Variants in SAMD12 observed in about 807,000 individuals in gnomAD.
The protein encoded by SAMD12 is sterile alpha motif domain-containing protein 12.
Under a neutral mutation model 15.0 loss-of-function variants are expected in SAMD12, and 9 were observed. That is an observed-to-expected ratio of 0.60 (90% CI 0.36 to 1.05). The LOEUF (loss-of-function observed/expected upper bound fraction) is 1.05. Ranked by LOEUF, SAMD12 falls within the 50% of genes least tolerant of loss-of-function variation. The pLI is 0.01. For synonymous variants in SAMD12, 86 were observed against 90.1 expected (o/e 0.96, Z 0.25); for missense variants, 230 against 234.2 (o/e 0.98, Z 0.12).
intron 3 of SAMD12, among the ~76,000 whole-genome samples, chr8:118,428,028 A>T (rs543587810): frequency 6.6e-6 from 1 of 152,180 alleles, no homozygotes; most frequent in East Asian, 1.9e-4. Context: ...TGATGACTTA[A>T]TATTTCTGAG....
intron 4 of SAMD12, among the ~76,000 whole-genome samples, chr8:118,321,643 C>T (rs972069296): frequency 2.0e-5 from 3 of 146,694 alleles, no homozygotes; most frequent in African/African-American, 7.8e-5. Flanking sequence ...AAAAGTTGTT[C>T]GTAGATAGTG....
intron 4 of SAMD12, among the ~76,000 whole-genome samples, chr8:118,305,969 C>T (rs74747970): frequency 0.06 from 9,057 of 152,176 alleles, 808 homozygotes; most frequent in African/African-American, 0.19. Flanking sequence ...CTCCTGGTTC[C>T]AGCTCCTACT....
intron 2 of SAMD12, 31 bp downstream of exon 2, chr8:118,580,684 A>C (rs747609462): frequency 6.4e-7 from 1 of 1,563,466 alleles, no homozygotes; most frequent in South Asian, 1.1e-5. Flanking sequence ...GCAGCTTTCA[A>C]ATCTCCGTAA....
rs1038976495 is a variant in SAMD12, at chr8:118,531,737, T to C, written c.192+48978A>G. Among the ~76,000 whole-genome samples the C allele has an allele frequency of 3.3e-5, 5 of 152,226 alleles. No individual in the cohort carries two copies. The South Asian group carries it at 6.2e-4, about 19-fold the overall frequency. ...GATTTGGCTCTCTGTTTGTCTGTTA[T>C]TGGTGTATAAGAATGCTTGTGATTT... On this transcript the variant is annotated intron_variant, in intron 2 of 3. Coordinates refer to ENST00000314727, the MANE Select transcript of SAMD12 (RefSeq NM_207506.3).
chr8:118,152,252 C>T, the SAMD12 span, among the ~76,000 whole-genome samples: 23 of 152,192 alleles, frequency 1.5e-4, no homozygotes, highest in Non-Finnish European at 2.8e-4. Context: ...TGGGATCTGA[C>T]TAGATTCTAC....
the SAMD12 span, among the ~76,000 whole-genome samples, chr8:118,154,843 T>C: frequency 6.6e-6 from 1 of 152,114 alleles, no homozygotes; most frequent in African/African-American, 2.4e-5. Context: ...AAAAAGAAAA[T>C]GACAATCCTT....
intron 4 of SAMD12, among the ~76,000 whole-genome samples, chr8:118,364,440 G>A (rs1818663635): frequency 6.6e-6 from 1 of 152,108 alleles, no homozygotes; most frequent in Non-Finnish European, 1.5e-5. Context: ...GGAACCCTAA[G>A]AGCTGAAAAC....
chr8:118,469,067 A>C (rs1386390611), intron 2 of SAMD12, among the ~76,000 whole-genome samples: 1 of 152,072 alleles, frequency 6.6e-6, no homozygotes, highest in Non-Finnish European at 1.5e-5. Flanking sequence ...CTGCCTGTCC[A>C]CTAGCAGGTC....
chr8:118,472,016 G>A (rs12546590), intron 2 of SAMD12, among the ~76,000 whole-genome samples: 24,104 of 151,920 alleles, frequency 0.16, 2,493 homozygotes, highest in Admixed American at 0.28. Context: ...GGCCGGGCGC[G>A]GTGGCTCACG....
intron 2 of SAMD12, among the ~76,000 whole-genome samples, chr8:118,515,167 C>T (rs1371326659): frequency 6.6e-6 from 1 of 150,560 alleles, no homozygotes; most frequent in Non-Finnish European, 1.5e-5. Flanking sequence ...TATAGGCGCC[C>T]GCCACCACGC....
intron 4 of SAMD12, among the ~76,000 whole-genome samples, chr8:118,253,061 T>TA (rs1480316290): frequency 6.6e-6 from 1 of 152,152 alleles, no homozygotes; most frequent in Non-Finnish European, 1.5e-5. Context: ...TGAAGCCCCT[T>TA]AAAGAGGTAG....
chr8:118,500,532 G>A (rs114442120), intron 2 of SAMD12, among the ~76,000 whole-genome samples: 1,610 of 151,228 alleles, frequency 0.011, 29 homozygotes, highest in African/African-American at 0.035. Flanking sequence ...CCTGCCAGGC[G>A]CAGTGGCTCA....
intron 2 of SAMD12, among the ~76,000 whole-genome samples, chr8:118,510,488 G>A (rs575874498): frequency 6.6e-6 from 1 of 152,294 alleles, no homozygotes; most frequent in South Asian, 2.1e-4. Flanking sequence ...CATGAAGTAG[G>A]TTTATAATTT....
At chr8:118,411,341 G>C (rs7822426) in intron 3 of SAMD12, among the ~76,000 whole-genome samples, 21,720 of 152,150 alleles carry the variant, frequency 0.14, 1,772 homozygotes, top group Middle Eastern at 0.18. Context: ...AAGTAACAAA[G>C]GTTTTAATTA....
intron 2 of SAMD12, among the ~76,000 whole-genome samples, chr8:118,580,123 A>G (rs548210925): frequency 6.6e-6 from 1 of 152,258 alleles, no homozygotes; most frequent in South Asian, 2.1e-4. Context: ...TCTATTTACT[A>G]TTGTCTACCT....
chr8:118,208,307 C>T (rs912599113), intron 4 of SAMD12, among the ~76,000 whole-genome samples: 3 of 152,092 alleles, frequency 2.0e-5, no homozygotes, highest in Admixed American at 1.3e-4. Flanking sequence ...ATGAATAATC[C>T]TTACAACAGT....
At chr8:118,212,382 C>A (rs1262656360) in intron 4 of SAMD12, among the ~76,000 whole-genome samples, 3 of 151,950 alleles carry the variant, frequency 2.0e-5, no homozygotes, top group African/African-American at 7.3e-5. Flanking sequence ...TTTTATAGTC[C>A]CGCATCAGGC....
chr8:118,382,169 C>G (rs1259923413), intron 3 of SAMD12, among the ~76,000 whole-genome samples: 1 of 152,156 alleles, frequency 6.6e-6, no homozygotes, highest in Non-Finnish European at 1.5e-5. Context: ...TAAAACACTC[C>G]CTGAAGCTCC....
chr8:118,569,632 A>C (rs1826950436), intron 2 of SAMD12, among the ~76,000 whole-genome samples: 1 of 152,150 alleles, frequency 6.6e-6, no homozygotes, highest in Admixed American at 6.5e-5. Context: ...CCCCATGATG[A>C]GAATGGCATC....
Sources: allele counts gnomAD v4.1 joint callset (sites outside exome capture counted in the v4.1 genomes callset), GRCh38; gene constraint gnomAD v4.1.1; transcripts MANE v1.5; gene names NCBI Gene and HGNC (gene_info 2026-07-23, HGNC 2026-07-21).